Variants in PLCG2 observed in about 807,000 individuals in gnomAD.
PLCG2 encodes the protein 1-phosphatidylinositol 4,5-bisphosphate phosphodiesterase gamma-2.
A neutral mutation model predicts 175.6 loss-of-function variants in PLCG2; 69 were observed. The ratio of observed to expected loss-of-function variants is 0.39; its 90% CI spans 0.32 to 0.48. PLCG2 has a LOEUF of 0.48. Ranked by LOEUF, PLCG2 falls within the 20% of genes least tolerant of loss-of-function variation. PLCG2 has a pLI of 0.91. For synonymous variants in PLCG2, 827 were observed against 624.0 expected (o/e 1.33, Z -4.85); for missense variants, 1,798 against 1,650.9 (o/e 1.09, Z -1.54).
upstream of PLCG2, among the ~76,000 whole-genome samples, chr16:81,775,749 T>G (rs538450124): frequency 6.6e-6 from 1 of 152,190 alleles, no homozygotes; most frequent in Non-Finnish European, 1.5e-5. Flanking sequence ...TCTTTCAGGT[T>G]ATTCTTTCTT....
chr16:81,872,927 C>G (rs576496363), intron 7 of PLCG2, among the ~76,000 whole-genome samples: 1 of 152,356 alleles, frequency 6.6e-6, no homozygotes, highest in South Asian at 2.1e-4. Context: ...GCTGGCCACA[C>G]AGTGAGGCCA....
At chr16:81,789,832 C>T (rs112291962) in intron 2 of PLCG2, among the ~76,000 whole-genome samples, 1 of 149,880 alleles carries the variant, frequency 6.7e-6, no homozygotes, top group Non-Finnish European at 1.5e-5. Context: ...TTCTCCTTCC[C>T]TTCCCACCTT....
At chr16:81,791,308 G>A (rs1362112511) in intron 2 of PLCG2, among the ~76,000 whole-genome samples, 1 of 152,148 alleles carries the variant, frequency 6.6e-6, no homozygotes. Flanking sequence ...AGCTGCTTGG[G>A]TGGAGTTTAG....
chr16:81,956,863 G>C lies in PLCG2; in HGVS notation c.3739G>C (p.Glu1247Gln), dbSNP rs755277384. ...VNENQLQLYQEKCNKRLREKR... is the reference protein window; with the variant it reads ...VNENQLQLYQQKCNKRLREKR... ...TGAGAACCAGCTCCAGCTGTACCAG[G>C]AGAAATGCAACAAGAGGTAGGTCAG... is the stretch of plus-strand genomic sequence containing the variant. Residue 1247 changes from glutamate to glutamine, a missense_variant, in exon 32 of 33, where the codon GAG (glutamate) becomes CAG (glutamine). Coordinates refer to ENST00000564138, the MANE Select transcript of PLCG2 (RefSeq NM_002661.5). 3 of 1,613,596 alleles carry C rather than the reference G, an allele frequency of 1.9e-6. No homozygotes were observed. Among genetic ancestry groups the C allele is most frequent in the East Asian group, 2.2e-5 (1 of 44,860 alleles).
chr16:81,852,109 G>A (rs1906447874), intron 2 of PLCG2: 1 of 152,170 alleles, frequency 6.6e-6, no homozygotes, highest in Non-Finnish European at 1.5e-5. Context: ...TCATCTCCAG[G>A]AGTGCTGGAG....
chr16:81,773,321 A>G (rs1910323863), intron 2 of PLCG2, among the ~76,000 whole-genome samples: 1 of 152,234 alleles, frequency 6.6e-6, no homozygotes. Context: ...CTGGGCTTCC[A>G]GCAATGTGAG....
intron 2 of PLCG2, among the ~76,000 whole-genome samples, chr16:81,790,302 T>C (rs1195562448): frequency 6.6e-6 from 1 of 152,226 alleles, no homozygotes; most frequent in African/African-American, 2.4e-5. Context: ...TCTCAGGTTT[T>C]CAGAAGAGGG....
intron 22 of PLCG2, among the ~76,000 whole-genome samples, chr16:81,924,801 C>G (rs538920565): frequency 2.3e-4 from 35 of 152,344 alleles, no homozygotes; most frequent in Admixed American, 1.4e-3. Context: ...CATTGCTGTT[C>G]CTACTGCAGC....
At chr16:81,788,911 G>C (rs1221658866) in intron 2 of PLCG2, among the ~76,000 whole-genome samples, 1 of 152,322 alleles carries the variant, frequency 6.6e-6, no homozygotes, top group East Asian at 1.9e-4. Context: ...CAAGGGGTGA[G>C]AGGGTTGGCA....
At chr16:81,867,134 A>C (rs551487760) in intron 5 of PLCG2, among the ~76,000 whole-genome samples, 13 of 152,220 alleles carry the variant, frequency 8.5e-5, no homozygotes, top group Non-Finnish European at 1.2e-4. Flanking sequence ...AGGTGGGGAC[A>C]CAGGATGGCC....
intron 2 of PLCG2, among the ~76,000 whole-genome samples, chr16:81,836,207 C>A (rs976970758): frequency 6.6e-6 from 1 of 152,150 alleles, no homozygotes; most frequent in African/African-American, 2.4e-5. Context: ...TGACCCAATC[C>A]CTGCATTTCT....
Position 81,960,632 on chromosome 16 carries a change from T to C in PLCG2, c.*2634T>C. The C allele has an allele frequency of 4.3e-6, 1 of 231,320 alleles. No individual in the cohort carries two copies. Among genetic ancestry groups the C allele is most frequent in the Non-Finnish European group, 8.6e-6 (1 of 116,840 alleles). The allele number at this position is 231,320 out of a possible 1,614,324, so 14.3% of individuals were successfully genotyped here. A position where few individuals can be genotyped will look rare whatever the true frequency, so the allele number is the denominator to read the frequency against. On this transcript the variant is annotated 3_prime_UTR_variant, in exon 33 of 33. Coordinates refer to ENST00000564138, the MANE Select transcript of PLCG2 (RefSeq NM_002661.5). ...TTTCCAAATTCGATCTCAGAATCTTTTTGCCAGAAGTGTCTCATGGGACTT... is the reference window on the plus strand; with the variant it reads ...TTTCCAAATTCGATCTCAGAATCTTCTTGCCAGAAGTGTCTCATGGGACTT...
intron 2 of PLCG2, among the ~76,000 whole-genome samples, chr16:81,831,078 C>G (rs1348037206): frequency 6.6e-6 from 1 of 152,188 alleles, no homozygotes; most frequent in Non-Finnish European, 1.5e-5. Flanking sequence ...ATGTCACCAC[C>G]TCTGGGGAGG....
chr16:81,874,572 C>T (rs562092198), intron 7 of PLCG2, among the ~76,000 whole-genome samples: 1 of 152,260 alleles, frequency 6.6e-6, no homozygotes, highest in South Asian at 2.1e-4. Context: ...GAGAAAAGTA[C>T]CTGTTTTGTG....
chr16:81,805,139 A>G (rs575689201), intron 2 of PLCG2, among the ~76,000 whole-genome samples: 14 of 152,174 alleles, frequency 9.2e-5, no homozygotes, highest in Non-Finnish European at 1.8e-4. Flanking sequence ...AGCCACAGAT[A>G]GGGGAAAATA....
chr16:81,781,040 A>AACAAACAG (rs1910707387), intron 1 of PLCG2, among the ~76,000 whole-genome samples: 1 of 150,938 alleles, frequency 6.6e-6, no homozygotes, highest in Admixed American at 6.6e-5. Context: ...CAAACAAACA[A>AACAAACAG]ACAAACAAAC....
intron 2 of PLCG2, among the ~76,000 whole-genome samples, chr16:81,799,659 C>A (rs934602141): frequency 6.8e-6 from 1 of 146,864 alleles, no homozygotes; most frequent in Admixed American, 7.0e-5. Context: ...ATGGCACCAT[C>A]TTGGCTCACT....
chr16:81,876,856 C>G (rs1475264988), intron 7 of PLCG2, among the ~76,000 whole-genome samples: 1 of 152,160 alleles, frequency 6.6e-6, no homozygotes, highest in Non-Finnish European at 1.5e-5. Context: ...ACGGTGCACC[C>G]GTAGCATCTA....
At chr16:81,933,873 A>G (rs1481337075) in intron 25 of PLCG2, among the ~76,000 whole-genome samples, 1 of 152,158 alleles carries the variant, frequency 6.6e-6, no homozygotes, top group Non-Finnish European at 1.5e-5. Context: ...GTTAGATTTG[A>G]TGGTGGGTCT....
Sources: allele counts gnomAD v4.1 joint callset (sites outside exome capture counted in the v4.1 genomes callset), GRCh38; gene constraint gnomAD v4.1.1; transcripts MANE v1.5; gene names NCBI Gene and HGNC (gene_info 2026-07-23, HGNC 2026-07-21).